SAMD4B: variants seen among roughly 807,000 people sequenced by gnomAD.
SAMD4B encodes the protein protein Smaug homolog 2.
In SAMD4B, 5 loss-of-function variants were observed where a neutral mutation model predicts 74.5. The observed-to-expected ratio is 0.07, with a 90% CI of 0.04 to 0.14. The LOEUF (loss-of-function observed/expected upper bound fraction) is 0.14. Among genes scored for constraint, SAMD4B ranks in the 10% least tolerant of loss-of-function variants. SAMD4B has a pLI of 1.00. For synonymous variants in SAMD4B, 373 were observed against 374.9 expected, an observed-to-expected ratio of 1.00 and a Z score of 0.06; for missense variants, 608 against 921.8, an observed-to-expected ratio of 0.66 and a Z score of 4.41.
chr19:39,386,546 G>A, downstream of SAMD4B: 6 of 1,614,062 alleles, frequency 3.7e-6, no homozygotes, highest in Non-Finnish European at 5.1e-6. This position sits in a 1 kb window ranked among gnomAD's most constrained non-coding sequence, Gnocchi z 6.1. Context: ...CCGGTTCGTG[G>A]TTTTCTAGCT....
In SAMD4B at chr19:39,375,939, A is replaced by G; in HGVS notation, c.907+50A>G. The G allele has an allele frequency of 6.3e-7, 1 of 1,578,780 alleles. No individual in the cohort carries two copies. The highest frequency in any genetic ancestry group is 8.6e-7 in the Non-Finnish European group (1 of 1,165,596). ...GACCCTTTTCCAGGGGCTTCTGCAGAGCTTAGAGGACAGAAAGGAGCTTGT... is the reference window on the plus strand; with the variant it reads ...GACCCTTTTCCAGGGGCTTCTGCAGGGCTTAGAGGACAGAAAGGAGCTTGT... On this transcript the variant is annotated intron_variant, in intron 5 of 13. Coordinates refer to ENST00000610417, the MANE Select transcript of SAMD4B (RefSeq NM_001384574.2). This position sits in a 1 kb window ranked among gnomAD's most constrained non-coding sequence, Gnocchi z 4.1.
At chr19:39,374,438 G>A (rs1302876922) in intron 4 of SAMD4B, among the ~76,000 whole-genome samples, 1 of 152,212 alleles carries the variant, frequency 6.6e-6, no homozygotes, top group African/African-American at 2.4e-5. Context: ...CCATAACAGG[G>A]TTGTTGAGGA....
At chr19:39,372,747 T>C (rs1481034135) in intron 4 of SAMD4B, among the ~76,000 whole-genome samples, 1 of 152,140 alleles carries the variant, frequency 6.6e-6, no homozygotes, top group Non-Finnish European at 1.5e-5. Context: ...CAGCCTCTCC[T>C]GCCTACTTCT....
At chr19:39,374,659 G>A (rs2077500051) in intron 4 of SAMD4B, among the ~76,000 whole-genome samples, 1 of 152,020 alleles carries the variant, frequency 6.6e-6, no homozygotes, top group Non-Finnish European at 1.5e-5. Flanking sequence ...GGCCAATGTG[G>A]TGAAACCCCG....
At chr19:39,350,230 A>G (rs2075955086) in intron 1 of SAMD4B, 1 of 152,196 alleles carries the variant, frequency 6.6e-6, no homozygotes, top group Non-Finnish European at 1.5e-5. Context: ...TTTTAAATAC[A>G]TTGTTTCATT....
rs183135492 is a variant in SAMD4B, at chr19:39,383,983, T to C, written c.*456T>C. 7.2e-4 allele frequency: 342 copies of C among 474,832 alleles called. 2 individuals are homozygous for C. The East Asian group carries it at 0.01, about 14-fold the overall frequency. 29.4% of individuals were successfully genotyped at this position (474,832 alleles called of 1,614,324 possible). On this transcript the variant is annotated 3_prime_UTR_variant, in exon 14 of 14. Coordinates refer to ENST00000610417, the MANE Select transcript of SAMD4B (RefSeq NM_001384574.2). This position sits in a 1 kb window ranked among gnomAD's most constrained non-coding sequence, Gnocchi z 4.1. ...AGAGAACCTGCCCTCCAGAATGTTA[T>C]TGAGAGGAGCTGGGGAGAAGGAAGG... is the stretch of plus-strand genomic sequence containing the variant.
intron 1 of SAMD4B, among the ~76,000 whole-genome samples, chr19:39,349,166 A>C (rs1033632569): frequency 1.3e-5 from 2 of 152,216 alleles, no homozygotes; most frequent in Non-Finnish European, 2.9e-5. Context: ...AAGAAAAAAG[A>C]AATATCAAGA....
At position 39,369,958 on chromosome 19, in the gene SAMD4B, A is replaced by G. The variant is rs759759274; in HGVS notation, c.500A>G (p.His167Arg). 1.4e-5 allele frequency: 22 copies of G among 1,613,704 alleles called. No individual in the cohort carries two copies. The highest frequency in any genetic ancestry group is 5.3e-5 in the African/African-American group (4 of 74,896). The change falls in exon 4 of 14, where the codon CAT becomes CGT. Residue 167 changes from histidine (H) to arginine (R), a missense_variant. Physicochemically the swap from His to Arg is conservative, Grantham distance 29. Coordinates refer to ENST00000610417, the MANE Select transcript of SAMD4B (RefSeq NM_001384574.2). Reference sequence around the variant, plus strand: ...CGCTCCCGGCCAGAGCCCTCCTACCATTCACGTCAAGGCTCAGATGAGTGG... The same window carrying G: ...CGCTCCCGGCCAGAGCCCTCCTACCGTTCACGTCAAGGCTCAGATGAGTGG... ...GFRSRPEPSY[H>R]SRQGSDEWGG...
intron 4 of SAMD4B, among the ~76,000 whole-genome samples, chr19:39,370,346 G>A (rs375120763): frequency 6.6e-6 from 1 of 152,268 alleles, no homozygotes. Flanking sequence ...TTATTTTGTT[G>A]TGTTGGGTTT....
At chr19:39,350,157 C>A (rs2075948139) in intron 1 of SAMD4B, 3 of 152,182 alleles carry the variant, frequency 2.0e-5, no homozygotes, top group Non-Finnish European at 4.4e-5. Context: ...TGAAGACATG[C>A]TAAGCATCAT....
intron 12 of SAMD4B, among the ~76,000 whole-genome samples, chr19:39,382,708 C>G (rs2078071601): frequency 6.6e-6 from 1 of 152,150 alleles, no homozygotes; most frequent in African/African-American, 2.4e-5. Flanking sequence ...GAGGACAAGT[C>G]CCATGGTGGT....
chr19:39,375,652 C>A lies in SAMD4B; in HGVS notation c.670C>A (p.Leu224Ile). The A allele has an allele frequency of 2.5e-6, 4 of 1,599,188 alleles. No homozygotes were observed. Among genetic ancestry groups the A allele is most frequent in the Non-Finnish European group, 3.4e-6 (4 of 1,167,486 alleles). Residue 224 changes from leucine to isoleucine, a missense_variant and splice_region_variant, in exon 5 of 14, where the codon CTC becomes ATC. Leu to Ile is a conservative substitution (Grantham distance 5). Coordinates refer to ENST00000610417, the MANE Select transcript of SAMD4B (RefSeq NM_001384574.2). The surrounding 1 kb of genome is among the most constrained non-coding windows in gnomAD (Gnocchi z 4.1). ...NSIGSNANTGLPCQIHPSPLK... is the reference protein window; with the variant it reads ...NSIGSNANTGIPCQIHPSPLK... ...TGCTTTTCTCCCACTCTGGCCAGGT[C>A]TCCCCTGCCAAATCCACCCTAGCCC...
chr19:39,386,828 G>A (rs1353493216), downstream of SAMD4B: 1 of 1,498,972 alleles, frequency 6.7e-7, no homozygotes, highest in Admixed American at 1.7e-5. This position sits in a 1 kb window ranked among gnomAD's most constrained non-coding sequence, Gnocchi z 6.1. Flanking sequence ...GGAGAGAGAA[G>A]TGGAAGATGC....
chr19:39,378,605 G>A lies in SAMD4B; in HGVS notation c.1530+16G>A. 1 of 1,610,946 alleles carries A rather than the reference G, an allele frequency of 6.2e-7. No homozygotes were observed. The highest frequency in any genetic ancestry group is 8.5e-7 in the Non-Finnish European group (1 of 1,177,322). On this transcript the variant is annotated intron_variant, in intron 9 of 13. Coordinates refer to ENST00000610417, the MANE Select transcript of SAMD4B (RefSeq NM_001384574.2). This position sits in a 1 kb window ranked among gnomAD's most constrained non-coding sequence, Gnocchi z 4.4. The stretch of plus-strand genomic sequence containing the variant: ...GACTCATGAGGTAAGGCCTTCCCTA[G>A]CATACTCAAAAAGGGAAAGGCGGCC...
chr19:39,346,259 T>G (rs540372404), intron 1 of SAMD4B, among the ~76,000 whole-genome samples: 12 of 152,264 alleles, frequency 7.9e-5, no homozygotes, highest in African/African-American at 2.9e-4. Context: ...TTGGAAAGAC[T>G]TCACAGAAAA....
chr19:39,382,104 C>G (rs1014484274), intron 12 of SAMD4B, among the ~76,000 whole-genome samples: 2 of 152,170 alleles, frequency 1.3e-5, no homozygotes, highest in Non-Finnish European at 2.9e-5. Context: ...CATGGATTTG[C>G]AGAATTCATG....
At position 39,378,542 on chromosome 19, in the gene SAMD4B, A is replaced by C. The variant is rs958250762; in HGVS notation, c.1483A>C (p.Asn495His). Residue 495 changes from asparagine to histidine, a missense_variant, in exon 9 of 14, where the codon AAC becomes CAC. By Grantham distance (68) the Asn-to-His change is moderately conservative. This residue lies in a region of SAMD4B where 27 missense variants were observed against 48.6 expected (regional missense o/e 0.56). Transcript: ENST00000610417. This position sits in a 1 kb window ranked among gnomAD's most constrained non-coding sequence, Gnocchi z 4.4. ...GCTGGTGTCCCGACCAGACGAGGAG[A>C]ACATCACCAGTTACCTCCAGCTCAT... ...QLLVSRPDEE[N>H]ITSYLQLIEK... 1 of 1,613,982 alleles carries C rather than the reference A, an allele frequency of 6.2e-7. No homozygotes were observed. Among genetic ancestry groups the C allele is most frequent in the Non-Finnish European group, 8.5e-7 (1 of 1,179,958 alleles).
chr19:39,364,440 A>G (rs1407108916), intron 3 of SAMD4B, among the ~76,000 whole-genome samples: 1 of 152,210 alleles, frequency 6.6e-6, no homozygotes, highest in Non-Finnish European at 1.5e-5. Context: ...GATGCTTTTC[A>G]TGCATCATCT....
chr19:39,386,825 G>C (rs1321303586), downstream of SAMD4B: 2 of 1,509,136 alleles, frequency 1.3e-6, no homozygotes, highest in African/African-American at 1.4e-5. This position sits in a 1 kb window ranked among gnomAD's most constrained non-coding sequence, Gnocchi z 6.1. Context: ...TTGGGAGAGA[G>C]AAGTGGAAGA....
Sources: allele counts gnomAD v4.1 joint callset (sites outside exome capture counted in the v4.1 genomes callset), GRCh38; gene constraint gnomAD v4.1.1; regional missense constraint gnomAD v4.1.1; non-coding constraint Gnocchi (gnomAD v3.1); transcripts MANE v1.5; gene names NCBI Gene and HGNC (gene_info 2026-07-23, HGNC 2026-07-21).